The following FGGY variants were observed in gnomAD, a reference collection of about 807,000 sequenced individuals.
FGGY encodes the protein FGGY carbohydrate kinase domain-containing protein.
FGGY carries 72 observed loss-of-function variants against 71.3 expected under a neutral mutation model. The ratio of observed to expected loss-of-function variants is 1.01; its 90% CI spans 0.84 to 1.23. FGGY has a LOEUF of 1.23. FGGY is among the 50% of genes most tolerant of loss of function. The pLI is 0.00. For synonymous variants in FGGY, 251 were observed against 250.3 expected, an observed-to-expected ratio of 1.00 and a Z score of -0.02; for missense variants, 668 against 682.3, an observed-to-expected ratio of 0.98 and a Z score of 0.23.
rs796736797 is a variant in FGGY at position 59,665,679 on chromosome 1, C to CT, written c.1297-1592dup. Among the ~76,000 whole-genome samples, 658 of 145,452 alleles carry CT rather than the reference C, an allele frequency of 4.5e-3. 5 individuals carry two copies. The highest frequency in any genetic ancestry group is 6.7e-3 in the Non-Finnish European group (440 of 65,766). ...CCTGCTGACTTCCAAAACCCTGTTCCTTTTTTTTTTTTGAGATGGAGTGTT... is the reference window on the plus strand; with the variant it reads ...CCTGCTGACTTCCAAAACCCTGTTCCTTTTTTTTTTTTTGAGATGGAGTGTT... On this transcript the variant is annotated intron_variant, in intron 12 of 15. Transcript: ENST00000303721.
intron 14 of FGGY, among the ~76,000 whole-genome samples, chr1:59,732,239 T>G (rs2098041487): frequency 6.6e-6 from 1 of 152,156 alleles, no homozygotes; most frequent in African/African-American, 2.4e-5. Flanking sequence ...CTTTAAATTC[T>G]CTCCCCGCCA....
At chr1:59,524,387 C>T (rs1277717172) in intron 7 of FGGY, among the ~76,000 whole-genome samples, 1 of 152,180 alleles carries the variant, frequency 6.6e-6, no homozygotes, top group Admixed American at 6.5e-5. Flanking sequence ...GGAGCGGGTC[C>T]CTGGCGAAAC....
intron 7 of FGGY, among the ~76,000 whole-genome samples, chr1:59,519,419 G>A (rs1374463738): frequency 6.6e-6 from 1 of 152,162 alleles, no homozygotes; most frequent in Non-Finnish European, 1.5e-5. Context: ...TACTTGTGCC[G>A]TGTATGGAAG....
chr1:59,406,377 G>A (rs1166232013), intron 5 of FGGY, among the ~76,000 whole-genome samples: 1 of 151,924 alleles, frequency 6.6e-6, no homozygotes, highest in African/African-American at 2.4e-5. Flanking sequence ...TCATTTTTGT[G>A]CTTTTTGTTG....
rs769438558 is a variant in FGGY, at chr1:59,660,305, T to C, written c.1296+12T>C. 6 of 1,608,574 alleles carry C rather than the reference T, an allele frequency of 3.7e-6. No individual in the cohort carries two copies. The highest frequency in any genetic ancestry group is 5.1e-6 in the Non-Finnish European group (6 of 1,176,828). On this transcript the variant is annotated intron_variant, in intron 12 of 15. Transcript: ENST00000303721. ...TTCAAGCCATTGCTGTAAGATACTG[T>C]AATGCCATTTTTAAAGAGACTTAGA...
Position 59,448,162 on chromosome 1 carries a change from AT to A in FGGY, c.555-8795del, listed in dbSNP as rs201657504. Among the ~76,000 whole-genome samples the A allele has an allele frequency of 2.0e-4, 30 of 151,920 alleles. 1 individual carries two copies. The East Asian group carries it at 4.3e-3, about 22-fold the overall frequency. ...TACTACCATGGTTTTTGGCTTTTAG[AT>A]TTTCGATGCTGTCATCTTCTATCCT... On this transcript the variant is annotated intron_variant, in intron 5 of 15. Transcript: ENST00000303721.
At chr1:59,560,247 C>G (rs1438558655) in intron 8 of FGGY, among the ~76,000 whole-genome samples, 1 of 152,122 alleles carries the variant, frequency 6.6e-6, no homozygotes, top group Non-Finnish European at 1.5e-5. Flanking sequence ...AAGGGACATC[C>G]TATAAAATAC....
intron 8 of FGGY, among the ~76,000 whole-genome samples, chr1:59,560,562 A>G (rs901055424): frequency 5.3e-5 from 8 of 152,196 alleles, no homozygotes; most frequent in Admixed American, 5.2e-4. Flanking sequence ...ACCATCTTAT[A>G]TTGTAAAACT....
intron 7 of FGGY, among the ~76,000 whole-genome samples, chr1:59,540,769 G>A (rs2095427657): frequency 6.6e-6 from 1 of 152,244 alleles, no homozygotes. Flanking sequence ...TGGCTCTGAA[G>A]AACGGAGAGG....
At chr1:59,372,730 C>A (rs75052106) in intron 4 of FGGY, among the ~76,000 whole-genome samples, 29,197 of 152,064 alleles carry the variant, frequency 0.19, 3,364 homozygotes, top group East Asian at 0.35. Context: ...TGGCCGTCAT[C>A]CCTGGGATGT....
At chr1:59,653,286 T>G (rs2097183924) in intron 11 of FGGY, among the ~76,000 whole-genome samples, 1 of 152,256 alleles carries the variant, frequency 6.6e-6, no homozygotes, top group Non-Finnish European at 1.5e-5. Context: ...TCCACCCAGT[T>G]CGAGCTTTTG....
In FGGY at chr1:59,362,808, G is replaced by A. The variant is rs144415212; in HGVS notation, c.466-15941G>A. On this transcript the variant is annotated intron_variant, in intron 4 of 15. Coordinates refer to ENST00000303721, the MANE Select transcript of FGGY (RefSeq NM_018291.5). ...TACATTCTTCCTGCATGTTTCATAT[G>A]CATAGATTCTTTGTTCCACCTAGCC... is the stretch of plus-strand genomic sequence containing the variant. Among the ~76,000 whole-genome samples the A allele has an allele frequency of 3.3e-5, 5 of 152,240 alleles. No homozygotes were observed. The East Asian group carries it at 9.6e-4, about 29-fold the overall frequency.
intron 1 of FGGY, among the ~76,000 whole-genome samples, chr1:59,308,150 C>T (rs116448589): frequency 0.012 from 1,788 of 152,272 alleles, 16 homozygotes; most frequent in Non-Finnish European, 0.018. Flanking sequence ...TGCTGCTTCT[C>T]TTTTTATTTT....
chr1:59,506,503 AAT>A (rs750854909), intron 6 of FGGY, among the ~76,000 whole-genome samples: 19 of 152,324 alleles, frequency 1.2e-4, no homozygotes, highest in Non-Finnish European at 2.4e-4. Flanking sequence ...CATCTTTTAA[AAT>A]ATTATACAAG....
At chr1:59,457,618 A>AG (rs1475946929) in intron 6 of FGGY, among the ~76,000 whole-genome samples, 1 of 150,812 alleles carries the variant, frequency 6.6e-6, no homozygotes, top group Non-Finnish European at 1.5e-5. Context: ...CTCTGTTTTG[A>AG]GGGGGAAAAA....
chr1:59,759,601 C>G (rs1053912356), intron 15 of FGGY, among the ~76,000 whole-genome samples: 1 of 152,214 alleles, frequency 6.6e-6, no homozygotes, highest in African/African-American at 2.4e-5. Context: ...GGCAGCTGTT[C>G]TCTGCGAAGG....
chr1:59,497,256 G>A (rs2094066283), intron 6 of FGGY, among the ~76,000 whole-genome samples: 2 of 152,170 alleles, frequency 1.3e-5, no homozygotes, highest in Non-Finnish European at 2.9e-5. Context: ...TGCTTGAAGT[G>A]TGCTGGTTTC....
chr1:59,482,636 A>ATATT (rs1276663313), intron 6 of FGGY, among the ~76,000 whole-genome samples: 1 of 145,946 alleles, frequency 6.9e-6, no homozygotes, highest in African/African-American at 2.6e-5. Context: ...GTCTGTGTGT[A>ATATT]TATATATATA....
chr1:59,538,938 A>C (rs184022647), intron 7 of FGGY, among the ~76,000 whole-genome samples: 32 of 152,184 alleles, frequency 2.1e-4, no homozygotes, highest in Non-Finnish European at 1.5e-5. Context: ...TGGCACGTAT[A>C]TGCATATGTA....
Sources: allele counts gnomAD v4.1 joint callset (sites outside exome capture counted in the v4.1 genomes callset), GRCh38; gene constraint gnomAD v4.1.1; transcripts MANE v1.5; gene names NCBI Gene and HGNC (gene_info 2026-07-23, HGNC 2026-07-21).